Variants in PIP5K1A observed in about 807,000 individuals in gnomAD.
PIP5K1A encodes the protein phosphatidylinositol 4-phosphate 5-kinase type-1 alpha.
In PIP5K1A, 46 loss-of-function variants were observed where a neutral mutation model predicts 72.9. The observed-to-expected ratio is 0.63, with a 90% CI of 0.50 to 0.81. The LOEUF is 0.81. PIP5K1A is among the 30% of genes least tolerant of loss of function. PIP5K1A has a pLI of 0.00. For missense variants in PIP5K1A, 458 were observed against 706.1 expected, an observed-to-expected ratio of 0.65 and a Z score of 3.98; for synonymous variants, 228 against 255.1, an observed-to-expected ratio of 0.89 and a Z score of 1.01.
chr1:151,214,227 C>T (rs1457154051), intron 1 of PIP5K1A, among the ~76,000 whole-genome samples: 2 of 152,170 alleles, frequency 1.3e-5, no homozygotes, highest in Non-Finnish European at 2.9e-5. Flanking sequence ...TATATATACA[C>T]TGCTGTAATC....
upstream of PIP5K1A, among the ~76,000 whole-genome samples, chr1:151,196,019 C>G (rs373049406): frequency 6.6e-6 from 1 of 150,710 alleles, no homozygotes; most frequent in African/African-American, 2.4e-5. Context: ...CTCAGCCTCC[C>G]GAGTAGCTGG....
chr1:151,226,226 A>G (rs1689104790), intron 3 of PIP5K1A, among the ~76,000 whole-genome samples: 1 of 151,498 alleles, frequency 6.6e-6, no homozygotes, highest in Non-Finnish European at 1.5e-5. Context: ...AGCTGGGATT[A>G]CAGGTGCCTA....
intron 7 of PIP5K1A, 66 bp downstream of exon 7, chr1:151,232,769 T>G: frequency 7.1e-7 from 1 of 1,402,520 alleles, no homozygotes; most frequent in South Asian, 1.2e-5. Flanking sequence ...GGAGGCTGTC[T>G]TCAGCAGGGT....
chr1:151,204,066 T>C (rs889982080), intron 1 of PIP5K1A, among the ~76,000 whole-genome samples: 5 of 152,104 alleles, frequency 3.3e-5, no homozygotes, highest in Non-Finnish European at 7.4e-5. Flanking sequence ...ACTTTTATAG[T>C]AGGGACAGCT....
At chr1:151,201,084 T>C (rs745813162) in intron 1 of PIP5K1A, among the ~76,000 whole-genome samples, 3 of 152,210 alleles carry the variant, frequency 2.0e-5, no homozygotes, top group Non-Finnish European at 2.9e-5. Context: ...TCCGCCCGCC[T>C]TGGCTTCCCA....
rs145126650 is a variant in PIP5K1A, at chr1:151,242,521, A to C, written c.1594A>C (p.Ser532Arg). ...ISEGSPIPDP[S>R]FSPLVGETLQ... ...TGAGGGCTCGCCTATTCCTGACCCC[A>C]GTTTCTCACCTCTAGTTGGAGAGAC... The change falls in exon 14 of 16, where the codon AGT becomes CGT. Residue 532 changes from serine to arginine, a missense_variant. Around this residue, in one of 3 missense-constraint regions of PIP5K1A, gnomAD observed 157 missense variants for 175.5 expected, o/e 0.89. Coordinates refer to ENST00000368888, the MANE Select transcript of PIP5K1A (RefSeq NM_001135638.2). The C allele has an allele frequency of 2.1e-5, 34 of 1,613,752 alleles. No individual in the cohort carries two copies. Among genetic ancestry groups the C allele is most frequent in the Non-Finnish European group, 2.9e-5 (34 of 1,179,788 alleles).
chr1:151,220,024 G>A (rs894180403), intron 1 of PIP5K1A, among the ~76,000 whole-genome samples: 3 of 151,572 alleles, frequency 2.0e-5, no homozygotes, highest in Non-Finnish European at 4.4e-5. Context: ...ATTTATTTTT[G>A]AGACAGAGTG....
chr1:151,206,934 G>C (rs1370087571), intron 1 of PIP5K1A, among the ~76,000 whole-genome samples: 1 of 152,098 alleles, frequency 6.6e-6, no homozygotes, highest in East Asian at 1.9e-4. Flanking sequence ...TCTGACCTCA[G>C]GCGACCCTCA....
intron 7 of PIP5K1A, chr1:151,233,892 T>C: frequency 3.3e-6 from 1 of 303,230 alleles, no homozygotes; most frequent in Non-Finnish European, 6.1e-6. Context: ...TCCCCAAGAA[T>C]ATACTATACC....
intron 4 of PIP5K1A, among the ~76,000 whole-genome samples, chr1:151,230,824 G>A (rs1179955628): frequency 6.6e-6 from 1 of 152,212 alleles, no homozygotes; most frequent in Admixed American, 6.5e-5. Context: ...AGAGGCGTGA[G>A]CCTCCGCCCG....
At chr1:151,238,297 G>A (rs763392358) in intron 10 of PIP5K1A, 32 bp downstream of exon 10, 5 of 1,364,338 alleles carry the variant, frequency 3.7e-6, no homozygotes, top group Non-Finnish European at 3.1e-6. Context: ...AATTAAGAGA[G>A]GGTGGATACA....
chr1:151,234,549 G>T, intron 8 of PIP5K1A, 53 bp downstream of exon 8: 1 of 1,423,140 alleles, frequency 7.0e-7, no homozygotes, highest in Non-Finnish European at 9.9e-7. Flanking sequence ...CAGCTTGATT[G>T]TTCTTAGGCA....
chr1:151,238,310 T>C, intron 10 of PIP5K1A, 45 bp downstream of exon 10: 1 of 1,279,844 alleles, frequency 7.8e-7, no homozygotes, highest in Non-Finnish European at 1.1e-6. Flanking sequence ...TGGATACAGA[T>C]AACCAGTCAC....
chr1:151,214,483 C>T (rs1183033848), intron 1 of PIP5K1A, among the ~76,000 whole-genome samples: 2 of 151,880 alleles, frequency 1.3e-5, no homozygotes, highest in Non-Finnish European at 2.9e-5. Flanking sequence ...CATTATCAAG[C>T]GATTCTCGTG....
chr1:151,246,883 C>T (rs201673317), intron 14 of PIP5K1A, 37 bp from the exon 15 acceptor site: 2 of 1,545,900 alleles, frequency 1.3e-6, no homozygotes, highest in East Asian at 2.2e-5. Flanking sequence ...TCTTCTAATT[C>T]TTTTTCTCTC....
rs587689835 is a variant in PIP5K1A, at chr1:151,206,275, C to T, written c.85+7194C>T. On this transcript the variant is annotated intron_variant, in intron 1 of 15. Transcript: ENST00000368888. ...GTATTAATTTACAAATATCTAATTC[C>T]TGGAAAATCTCTCTTGTTGGAATCT... Among the ~76,000 whole-genome samples the T allele has an allele frequency of 8.5e-5, 13 of 152,052 alleles. No individual in the cohort carries two copies. The South Asian group carries it at 2.5e-3, about 29-fold the overall frequency.
intron 1 of PIP5K1A, among the ~76,000 whole-genome samples, chr1:151,219,335 C>T (rs587714940): frequency 3.7e-4 from 54 of 145,326 alleles, no homozygotes; most frequent in Non-Finnish European, 5.2e-4. Flanking sequence ...GAGCCGACAT[C>T]GTGCCACTGC....
intron 12 of PIP5K1A, 105 bp from the exon 13 acceptor site, chr1:151,242,018 C>T (rs1691802700): frequency 1.7e-6 from 2 of 1,161,052 alleles, no homozygotes; most frequent in Non-Finnish European, 2.5e-6. Flanking sequence ...ACTTTTCAGA[C>T]CAACTTTGGG....
intron 1 of PIP5K1A, among the ~76,000 whole-genome samples, chr1:151,201,449 G>A (rs1323410707): frequency 6.6e-6 from 1 of 151,666 alleles, no homozygotes; most frequent in Non-Finnish European, 1.5e-5. Context: ...TCCCAGCTTC[G>A]AATGAGTCTC....
Sources: allele counts gnomAD v4.1 joint callset (sites outside exome capture counted in the v4.1 genomes callset), GRCh38; gene constraint gnomAD v4.1.1; regional missense constraint gnomAD v4.1.1; transcripts MANE v1.5; gene names NCBI Gene and HGNC (gene_info 2026-07-23, HGNC 2026-07-21).